Variants in TUSC3 observed in about 807,000 individuals in gnomAD.
TUSC3 encodes tumor suppressor candidate 3.
A neutral mutation model predicts 44.8 loss-of-function variants in TUSC3; 45 were observed. That is an observed-to-expected ratio of 1.00 (90% confidence interval 0.79 to 1.29). The LOEUF (loss-of-function observed/expected upper bound fraction) is 1.29. Among genes scored for constraint, TUSC3 ranks in the 50% most tolerant of loss-of-function variants. The pLI is 0.00. For missense variants in TUSC3, 519 were observed against 437.9 expected (o/e 1.19, Z -1.65); for synonymous variants, 212 against 152.9 (o/e 1.39, Z -2.85).
intron 2 of TUSC3, 124 bp from the exon 3 acceptor site, chr8:15,650,573 A>T (rs1806848675): frequency 2.6e-5 from 19 of 726,322 alleles, no homozygotes; most frequent in Middle Eastern, 5.0e-4. Context: ...TTTAAAAACT[A>T]TGCTTTTCTT....
intron 7 of TUSC3, among the ~76,000 whole-genome samples, chr8:15,738,365 G>GT (rs371626139): frequency 1.5e-4 from 23 of 152,230 alleles, no homozygotes; most frequent in South Asian, 6.2e-4. Flanking sequence ...ATGGTATACA[G>GT]TTTTTTTGAC....
At chr8:15,603,881 C>T (rs140925967) in intron 1 of TUSC3, among the ~76,000 whole-genome samples, 2 of 151,374 alleles carry the variant, frequency 1.3e-5, no homozygotes, top group African/African-American at 4.8e-5. Context: ...TTATCACCTC[C>T]TTGAGTTAGA....
the TUSC3 span, among the ~76,000 whole-genome samples, chr8:15,799,288 C>T: frequency 6.6e-6 from 1 of 152,124 alleles, no homozygotes; most frequent in Non-Finnish European, 1.5e-5. Flanking sequence ...AACAATTATC[C>T]TAGTTCTGCC....
intron 1 of TUSC3, among the ~76,000 whole-genome samples, chr8:15,570,704 G>C (rs1358671447): frequency 6.6e-6 from 1 of 151,940 alleles, no homozygotes; most frequent in African/African-American, 2.4e-5. Context: ...TTCAAGAGTT[G>C]AAGTAATTTG....
chr8:15,488,136 T>G (rs4831727), intron 2 of TUSC3, among the ~76,000 whole-genome samples: 77,910 of 151,828 alleles, frequency 0.51, 20,328 homozygotes, highest in Admixed American at 0.56. Flanking sequence ...GTCCCCTCTT[T>G]ATTGAAGTTT....
intron 2 of TUSC3, among the ~76,000 whole-genome samples, chr8:15,495,510 A>G (rs1042538200): frequency 1.3e-5 from 2 of 152,156 alleles, no homozygotes; most frequent in African/African-American, 4.8e-5. Flanking sequence ...TACCTCTAGC[A>G]AGGCCCCAAG....
chr8:15,515,269 A>G (rs1411023389), intron 2 of TUSC3, among the ~76,000 whole-genome samples: 1 of 152,188 alleles, frequency 6.6e-6, no homozygotes, highest in South Asian at 2.1e-4. Flanking sequence ...AAAAATGAAC[A>G]TCTAGCTCTG....
intron 1 of TUSC3, among the ~76,000 whole-genome samples, chr8:15,570,775 G>A (rs1802841490): frequency 6.6e-6 from 1 of 151,818 alleles, no homozygotes; most frequent in African/African-American, 2.4e-5. Flanking sequence ...CTTCAAAGCT[G>A]TTCTTCTGAT....
chr8:15,556,115 C>T (rs1271260011), intron 1 of TUSC3, among the ~76,000 whole-genome samples: 2 of 149,908 alleles, frequency 1.3e-5, no homozygotes, highest in African/African-American at 4.9e-5. Flanking sequence ...ACTAACTCGT[C>T]ATCTAGCATT....
At chr8:15,656,083 G>T (rs1807150322) in intron 3 of TUSC3, among the ~76,000 whole-genome samples, 3 of 152,050 alleles carry the variant, frequency 2.0e-5, no homozygotes, top group Admixed American at 2.0e-4. Context: ...GGGGTGGGCA[G>T]AGGCAGAATA....
At chr8:15,541,550 T>C (rs1438265088) in intron 1 of TUSC3, among the ~76,000 whole-genome samples, 1 of 152,190 alleles carries the variant, frequency 6.6e-6, no homozygotes, top group African/African-American at 2.4e-5. Context: ...TACCCTCATA[T>C]GCAGAGTGAT....
At chr8:15,528,209 C>G (rs1266037459) in intron 2 of TUSC3, among the ~76,000 whole-genome samples, 2 of 152,020 alleles carry the variant, frequency 1.3e-5, no homozygotes, top group Non-Finnish European at 2.9e-5. Context: ...AAAAAACTTT[C>G]CATCATTTCT....
At chr8:15,575,438 C>T (rs975883110) in intron 1 of TUSC3, among the ~76,000 whole-genome samples, 12 of 152,004 alleles carry the variant, frequency 7.9e-5, no homozygotes, top group African/African-American at 2.9e-4. Context: ...TTCATTGCTT[C>T]ATTGTAAGAG....
At chr8:15,476,100 A>G (rs968160749) in intron 1 of TUSC3, among the ~76,000 whole-genome samples, 1 of 152,192 alleles carries the variant, frequency 6.6e-6, no homozygotes, top group African/African-American at 2.4e-5. Flanking sequence ...TTTAACCAAT[A>G]AAGTGCAGCC....
the TUSC3 span, among the ~76,000 whole-genome samples, chr8:15,779,303 A>T: frequency 6.6e-6 from 1 of 152,130 alleles, no homozygotes; most frequent in Non-Finnish European, 1.5e-5. Flanking sequence ...CCTACCATGT[A>T]GCAGTCCTCC....
At chr8:15,636,338 C>G (rs1054973896) in intron 2 of TUSC3, among the ~76,000 whole-genome samples, 10 of 152,120 alleles carry the variant, frequency 6.6e-5, no homozygotes, top group Non-Finnish European at 1.3e-4. Flanking sequence ...CAAGAGATAG[C>G]TGCTGTTTTT....
At chr8:15,523,988 G>A (rs1189405927) in intron 2 of TUSC3, among the ~76,000 whole-genome samples, 2 of 150,046 alleles carry the variant, frequency 1.3e-5, no homozygotes, top group East Asian at 2.0e-4. Flanking sequence ...CCCAGAAGGT[G>A]CAGGTTGCAG....
At chr8:15,608,884 C>G (rs1369840440) in intron 1 of TUSC3, among the ~76,000 whole-genome samples, 2 of 152,062 alleles carry the variant, frequency 1.3e-5, no homozygotes, top group African/African-American at 4.8e-5. Context: ...ATACATATAC[C>G]TTTGTACAAA....
the TUSC3 span, among the ~76,000 whole-genome samples, chr8:15,810,868 C>G: frequency 1.7e-3 from 253 of 152,120 alleles, no homozygotes; most frequent in Non-Finnish European, 2.9e-3. Flanking sequence ...CAACATTTAC[C>G]AGTATATACA....
Sources: allele counts gnomAD v4.1 joint callset (sites outside exome capture counted in the v4.1 genomes callset), GRCh38; gene constraint gnomAD v4.1.1; transcripts MANE v1.5; gene names NCBI Gene and HGNC (gene_info 2026-07-23, HGNC 2026-07-21).